Variants in MYO18A observed in about 807,000 individuals in gnomAD.
MYO18A encodes the protein myosin XVIIIA, also known as unconventional myosin-XVIIIa.
In MYO18A, 78 loss-of-function variants were observed where a neutral mutation model predicts 235.8. That is an observed-to-expected ratio of 0.33 (90% CI 0.28 to 0.40). MYO18A has a LOEUF of 0.40. Among genes scored for constraint, MYO18A ranks in the 10% least tolerant of loss-of-function variants. The probability of loss-of-function intolerance (pLI) is 1.00; values close to 1 mark genes in which losing one functional copy is unlikely to be tolerated. For missense variants in MYO18A, 2,215 were observed against 2,699.3 expected (o/e 0.82, Z 3.98); for synonymous variants, 977 against 1,077.8 (o/e 0.91, Z 1.83).
chr17:29,103,459 G>C (rs1182954947), intron 21 of MYO18A, 140 bp downstream of exon 21: 1 of 806,220 alleles, frequency 1.2e-6, no homozygotes, highest in African/African-American at 1.7e-5. Context: ...GGCTGGGCGG[G>C]GTGGAGCTGG....
chr17:29,097,346 G>A lies in MYO18A; in HGVS notation c.4107C>T (p.Gly1369=), dbSNP rs756185368. Residue 1369 remains glycine, a synonymous_variant, in exon 27 of 42, where the codon GGC becomes GGT. Coordinates refer to ENST00000527372, the MANE Select transcript of MYO18A (RefSeq NM_078471.4). The part of the protein sequence containing the change: ...NGEVDDDDAG[G]EWRLKYERAV... The stretch of plus-strand genomic sequence containing the variant: ...CCCGCTCATACTTCAGCCGCCACTC[G>A]CCACCTGTGGGGTTGAGGCAGACAA... 4.9e-5 allele frequency: 79 copies of A among 1,608,086 alleles called. 1 individual carries two copies. The South Asian group carries it at 6.3e-4, about 13-fold the overall frequency.
chr17:29,173,480 C>T (rs1170556460), intron 1 of MYO18A, among the ~76,000 whole-genome samples: 5 of 151,408 alleles, frequency 3.3e-5, no homozygotes, highest in South Asian at 4.2e-4. Flanking sequence ...CTCCGCCTCC[C>T]GGGTTCACGC....
chr17:29,126,802 C>T lies in MYO18A; in HGVS notation c.1000-4549G>A, dbSNP rs572775024. Among the ~76,000 whole-genome samples the T allele has an allele frequency of 6.6e-4, 100 of 152,334 alleles. No homozygotes were observed. Among genetic ancestry groups the T allele is most frequent in the African/African-American group, 2.4e-3 (98 of 41,574 alleles). On this transcript the variant is annotated intron_variant, in intron 2 of 41. Coordinates refer to ENST00000527372, the MANE Select transcript of MYO18A (RefSeq NM_078471.4). The surrounding 1 kb of genome is among the most constrained non-coding windows in gnomAD (Gnocchi z 4.1). ...TCAGAGGCCAGCCAAGAAGGCAACA[C>T]TTTCCAAGGGAAAGAGGCTGGACTG...
At chr17:29,099,461 C>A (rs2066602861) in intron 22 of MYO18A, among the ~76,000 whole-genome samples, 173 bp downstream of exon 22, 3 of 152,128 alleles carry the variant, frequency 2.0e-5, no homozygotes, top group Non-Finnish European at 4.4e-5. Flanking sequence ...GGCCCCGTCG[C>A]TGGGCACACC....
intron 35 of MYO18A, 80 bp downstream of exon 35, chr17:29,090,730 C>A (rs941230894): frequency 1.3e-6 from 2 of 1,526,462 alleles, no homozygotes; most frequent in African/African-American, 1.4e-5. Flanking sequence ...CCAAAACAAG[C>A]GGTTGTGCGG....
In MYO18A at chr17:29,089,964, C is replaced by T. The variant is rs778611382; in HGVS notation, c.5523G>A (p.Leu1841=). ...LEFERTQVKR[L]ESLASRLKEN... is the part of the protein sequence containing the mutation. ...CCCGGGAGAAGTGTGAACCCACCTC[C>T]AGCCGTTTCACTTGCGTCCTTTCAA... The change falls in exon 37 of 42, where the codon CTG becomes CTA. Residue 1841 remains leucine, a synonymous_variant. Coordinates refer to ENST00000527372, the MANE Select transcript of MYO18A (RefSeq NM_078471.4). 2 of 1,614,054 alleles carry T rather than the reference C, an allele frequency of 1.2e-6. No individual in the cohort carries two copies. The highest frequency in any genetic ancestry group is 4.5e-5 in the East Asian group (2 of 44,880).
At chr17:29,113,570 G>C (rs1009573199) in intron 15 of MYO18A, among the ~76,000 whole-genome samples, 4 of 152,190 alleles carry the variant, frequency 2.6e-5, no homozygotes, top group Non-Finnish European at 5.9e-5. Context: ...GCCCTGTTCT[G>C]TTAGGTTGCA....
intron 41 of MYO18A, chr17:29,080,036 A>C (rs535024332): frequency 1.0e-6 from 1 of 985,974 alleles, no homozygotes; most frequent in Non-Finnish European, 1.2e-6. Flanking sequence ...CTGGAGCTGG[A>C]GCTGGAGCTG....
At chr17:29,165,310 CTT>C (rs1261316093) in intron 2 of MYO18A, 1 of 152,210 alleles carries the variant, frequency 6.6e-6, no homozygotes, top group Non-Finnish European at 1.5e-5. Flanking sequence ...CAGATTGTCT[CTT>C]ATATCTGGAA....
Position 29,166,305 on chromosome 17 carries a change from G to C in MYO18A, c.636C>G (p.Pro212=), listed in dbSNP as rs749164730. The change falls in exon 2 of 42, where the codon CCC becomes CCG. Residue 212 remains proline, a synonymous_variant. Transcript: ENST00000527372. ...GCTCCCGGAGGGTAGGTGGGGGCAG[G>C]GGCACCACGGGGGGCAGGCGCAGGT... ...PVDLRLPPVV[P]LPPPTLRELE... 1.2e-6 allele frequency: 2 copies of C among 1,612,458 alleles called. No individual in the cohort carries two copies. Among genetic ancestry groups the C allele is most frequent in the South Asian group, 2.2e-5 (2 of 91,084 alleles).
chr17:29,109,755 G>A lies in MYO18A; in HGVS notation c.3331+103C>T. ...GCAGAAAGGATCGTGAGGAAAGACA[G>A]GAGCAGCCCCACTGCAGCCCACGGG... On this transcript the variant is annotated intron_variant, in intron 19 of 41. Coordinates refer to ENST00000527372, the MANE Select transcript of MYO18A (RefSeq NM_078471.4). The surrounding 1 kb of genome is among the most constrained non-coding windows in gnomAD (Gnocchi z 4.1). The A allele has an allele frequency of 2.1e-6, 3 of 1,395,530 alleles. No homozygotes were observed. Among genetic ancestry groups the A allele is most frequent in the Non-Finnish European group, 2.9e-6 (3 of 1,025,636 alleles). The allele number at this position is 1,395,530 out of a possible 1,614,324, so 86.4% of individuals were successfully genotyped here.
Position 29,099,688 on chromosome 17 carries a change from C to G in MYO18A, c.3582G>C (p.Leu1194=). The G allele has an allele frequency of 6.2e-7, 1 of 1,613,744 alleles. No homozygotes were observed. The highest frequency in any genetic ancestry group is 8.5e-7 in the Non-Finnish European group (1 of 1,179,868). The change falls in exon 22 of 42, where the codon CTG becomes CTC. Residue 1194 remains leucine, a synonymous_variant. Coordinates refer to ENST00000527372, the MANE Select transcript of MYO18A (RefSeq NM_078471.4). ...GGTAGCCCCTGCAGGCTGCTTGGAA[C>G]AGGGTTAGGTTCCTGCTGGTTTGTT... ...RDEQTSRNLT[L]FQAACRGYLA...
intron 2 of MYO18A, among the ~76,000 whole-genome samples, chr17:29,164,918 T>C (rs1022462258): frequency 6.6e-6 from 1 of 152,184 alleles, no homozygotes; most frequent in African/African-American, 2.4e-5. Context: ...TTTATCCCTC[T>C]TGCTTTTCCA....
In MYO18A at chr17:29,097,327, C is replaced by CTAT; in HGVS notation, c.4125_4126insATA (p.Tyr1375_Glu1376insIle). The stretch of plus-strand genomic sequence containing the variant: ...AAGTCCACCTCCCGCACAGCCCGCT[C>CTAT]ATACTTCAGCCGCCACTCGCCACCT... On this transcript the variant is annotated inframe_insertion, in exon 27 of 42. Transcript: ENST00000527372. The CTAT allele has an allele frequency of 6.2e-7, 1 of 1,609,178 alleles. No individual in the cohort carries two copies. The highest frequency in any genetic ancestry group is 8.5e-7 in the Non-Finnish European group (1 of 1,179,834).
intron 3 of MYO18A, 63 bp downstream of exon 3, chr17:29,122,103 T>G: frequency 6.4e-7 from 1 of 1,563,726 alleles, no homozygotes; most frequent in Non-Finnish European, 8.8e-7. Flanking sequence ...AGAAGGCACA[T>G]TCGCTGCCCA....
At chr17:29,176,417 A>G (rs2068528747) in intron 1 of MYO18A, among the ~76,000 whole-genome samples, 1 of 152,110 alleles carries the variant, frequency 6.6e-6, no homozygotes, top group Admixed American at 6.5e-5. Context: ...TGGAAACTAT[A>G]ACGTTAGAGT....
chr17:29,095,285 C>T (rs868502527), intron 28 of MYO18A, among the ~76,000 whole-genome samples: 1 of 152,184 alleles, frequency 6.6e-6, no homozygotes, highest in African/African-American at 2.4e-5. Flanking sequence ...CTCAGGTGAG[C>T]CCTTTCACCA....
At chr17:29,113,707 G>A (rs1395514505) in intron 15 of MYO18A, among the ~76,000 whole-genome samples, 1 of 152,176 alleles carries the variant, frequency 6.6e-6, no homozygotes, top group Non-Finnish European at 1.5e-5. Flanking sequence ...CACCAGCTGG[G>A]GCCCGAGCCT....
In MYO18A at chr17:29,115,575, C is replaced by T. The variant is rs2067039195; in HGVS notation, c.2227+89G>A. Reference sequence around the variant, plus strand: ...CTGCCACTGACAGAGCATCTGTTCACTCCAGCAGTCCCCTCCCGCCCCAGG... The same window carrying T: ...CTGCCACTGACAGAGCATCTGTTCATTCCAGCAGTCCCCTCCCGCCCCAGG... On this transcript the variant is annotated intron_variant, in intron 12 of 41. Coordinates refer to ENST00000527372, the MANE Select transcript of MYO18A (RefSeq NM_078471.4). The T allele has an allele frequency of 6.7e-6, 10 of 1,488,082 alleles. 1 individual carries two copies. In the South Asian group the frequency reaches 1.2e-4, roughly 18 times the overall value. The allele number at this position is 1,488,082 out of a possible 1,614,324, so 92.2% of individuals were successfully genotyped here.
Sources: allele counts gnomAD v4.1 joint callset (sites outside exome capture counted in the v4.1 genomes callset), GRCh38; gene constraint gnomAD v4.1.1; non-coding constraint Gnocchi (gnomAD v3.1); transcripts MANE v1.5; gene names NCBI Gene and HGNC (gene_info 2026-07-23, HGNC 2026-07-21).